The following ODAD1 variants were observed in gnomAD, a reference collection of about 807,000 sequenced individuals.
ODAD1 encodes the protein outer dynein arm docking complex subunit 1, also known as outer dynein arm-docking complex subunit 1.
In ODAD1, 49 loss-of-function variants were observed where a neutral mutation model predicts 67.2. The observed-to-expected ratio is 0.73, with a 90% CI of 0.58 to 0.92. The LOEUF is 0.92. Ranked by LOEUF, ODAD1 falls within the 40% of genes least tolerant of loss-of-function variation. The pLI is 0.00. For missense variants in ODAD1, 897 were observed against 953.7 expected (o/e 0.94, Z 0.78); for synonymous variants, 345 against 393.7 (o/e 0.88, Z 1.46).
In ODAD1 at chr19:48,318,805, C is replaced by G. The variant is rs1459371856; in HGVS notation, c.78G>C (p.Trp26Cys). Residue 26 changes from tryptophan to cysteine, a missense_variant, in exon 4 of 16, where the codon TGG (tryptophan) becomes TGC (cysteine). Coordinates refer to ENST00000674294, the MANE Select transcript of ODAD1 (RefSeq NM_001364171.2). ...SEAFLEGMVDWELSRLQRQCK... is the reference protein window; with the variant it reads ...SEAFLEGMVDCELSRLQRQCK... ...ATTGTCGCTGCAGCCTACTCAGCTC[C>G]CAATCCACTGAGAACAGGGCCAGCC... 2 of 1,548,808 alleles carry G rather than the reference C, an allele frequency of 1.3e-6. No individual in the cohort carries two copies. The highest frequency in any genetic ancestry group is 1.7e-6 in the Non-Finnish European group (2 of 1,144,888).
intron 10 of ODAD1, 99 bp downstream of exon 10, chr19:48,303,551 T>C: frequency 1.4e-6 from 2 of 1,452,530 alleles, no homozygotes; most frequent in East Asian, 2.3e-5. Context: ...CCAGCACAGA[T>C]GGAGGAGTTC....
At chr19:48,321,240 AAAACAAAC>A (rs541986418) in intron 1 of ODAD1, among the ~76,000 whole-genome samples, 2 of 152,202 alleles carry the variant, frequency 1.3e-5, no homozygotes, top group Non-Finnish European at 2.9e-5. Context: ...TCCGTCTCAA[AAAACAAAC>A]AAACAAACAA....
At chr19:48,307,083 A>G (rs1968626095) in intron 7 of ODAD1, among the ~76,000 whole-genome samples, 1 of 152,016 alleles carries the variant, frequency 6.6e-6, no homozygotes, top group South Asian at 2.1e-4. Context: ...ACTTGGGACA[A>G]TGAGGCAGAA....
chr19:48,311,983 T>C lies in ODAD1; in HGVS notation c.483+11A>G. On this transcript the variant is annotated intron_variant, in intron 6 of 15. Transcript: ENST00000674294. ...CAATTCAGGTCGAGGGACCAGGAGT[T>C]TGACCCTCACCCTGTCCAACTGGTT... 2 of 1,550,506 alleles carry C rather than the reference T, an allele frequency of 1.3e-6. No individual in the cohort carries two copies. The highest frequency in any genetic ancestry group is 3.9e-5 in the Admixed American group (2 of 50,948).
At chr19:48,314,799 G>A (rs1316903496) in intron 5 of ODAD1, among the ~76,000 whole-genome samples, 1 of 151,890 alleles carries the variant, frequency 6.6e-6, no homozygotes, top group Non-Finnish European at 1.5e-5. Flanking sequence ...AAATTAGCTG[G>A]GCGTAATGGC....
chr19:48,298,827 G>A (rs1428424342), intron 12 of ODAD1, among the ~76,000 whole-genome samples: 1 of 152,114 alleles, frequency 6.6e-6, no homozygotes, highest in African/African-American at 2.4e-5. Context: ...TGCCCAGTGC[G>A]CAGGTCAGTC....
chr19:48,321,722 T>C lies in ODAD1; in HGVS notation c.-108A>G, dbSNP rs972456232. 6 of 397,202 alleles carry C rather than the reference T, an allele frequency of 1.5e-5. 1 individual carries two copies. The highest frequency in any genetic ancestry group is 1.2e-4 in the African/African-American group (6 of 48,572). The allele number at this position is 397,202 out of a possible 1,614,324, so 24.6% of individuals were successfully genotyped here. A position where few individuals can be genotyped will look rare whatever the true frequency, so the allele number is the denominator to read the frequency against. ...GGAGTTGAAAGAGCCTGCGGTGACCTGTATGGAAGCCCTCGAAGCCAGGCC... is the reference window on the plus strand; with the variant it reads ...GGAGTTGAAAGAGCCTGCGGTGACCCGTATGGAAGCCCTCGAAGCCAGGCC... On this transcript the variant is annotated 5_prime_UTR_variant, in exon 1 of 16. Coordinates refer to ENST00000674294, the MANE Select transcript of ODAD1 (RefSeq NM_001364171.2).
Position 48,311,537 on chromosome 19 carries a change from T to A in ODAD1, c.597+16A>T. The A allele has an allele frequency of 6.8e-7, 1 of 1,476,388 alleles. No homozygotes were observed. 91.5% of individuals were successfully genotyped at this position (1,476,388 alleles called of 1,614,324 possible). Reference sequence around the variant, plus strand: ...AGGGGTCCCTGTCTCCTCCCCTGGATTTCAGGGCCACTGACCTTCTTCAGC... The same window carrying A: ...AGGGGTCCCTGTCTCCTCCCCTGGAATTCAGGGCCACTGACCTTCTTCAGC... On this transcript the variant is annotated intron_variant, in intron 7 of 15. Transcript: ENST00000674294.
At position 48,297,484 on chromosome 19, in the gene ODAD1, T is replaced by C; in HGVS notation, c.1616A>G (p.Gln539Arg). 2 of 1,603,310 alleles carry C rather than the reference T, an allele frequency of 1.2e-6. No individual in the cohort carries two copies. Among genetic ancestry groups the C allele is most frequent in the Admixed American group, 3.4e-5 (2 of 59,152 alleles). ...CGCGGCGGCGGCGGCCAGGTCCTTCTGGCGCTGCGCCTCCGCCTGCTCCTG... is the reference window on the plus strand; with the variant it reads ...CGCGGCGGCGGCGGCCAGGTCCTTCCGGCGCTGCGCCTCCGCCTGCTCCTG... ...ELQEQAEAQR[Q>R]KDLAAAAAKL... The change falls in exon 16 of 16, where the codon CAG becomes CGG. Residue 539 changes from glutamine to arginine, a missense_variant. Physicochemically the swap from Gln to Arg is conservative, Grantham distance 43 (BLOSUM62 1). Transcript: ENST00000674294.
At position 48,296,914 on chromosome 19, in the gene ODAD1, A is replaced by G; in HGVS notation, c.*62T>C. On this transcript the variant is annotated 3_prime_UTR_variant, in exon 16 of 16. Transcript: ENST00000674294. ...GACCCACAAGGCAAACAGGGGAAGT[A>G]GAGACACAAAAAAAGACCCCACAGA... 6.7e-7 allele frequency: 1 copy of G among 1,483,014 alleles called. No homozygotes were observed. The highest frequency in any genetic ancestry group is 8.9e-7 in the Non-Finnish European group (1 of 1,124,988). 91.9% of individuals were successfully genotyped at this position (1,483,014 alleles called of 1,614,324 possible). A position where few individuals can be genotyped will look rare whatever the true frequency, so the allele number is the denominator to read the frequency against.
intron 5 of ODAD1, among the ~76,000 whole-genome samples, chr19:48,313,408 C>G (rs140000994): frequency 0.014 from 1,388 of 97,780 alleles, 19 homozygotes; most frequent in African/African-American, 0.042. Flanking sequence ...GCCTGGGGAA[C>G]AGAACAAGAC....
chr19:48,317,569 C>T (rs906599364), intron 5 of ODAD1, among the ~76,000 whole-genome samples: 1 of 152,200 alleles, frequency 6.6e-6, no homozygotes, highest in African/African-American at 2.4e-5. Flanking sequence ...CGAACCTTTC[C>T]TGCTTAACCA....
chr19:48,299,916 C>CTA (rs1393060399), intron 12 of ODAD1, among the ~76,000 whole-genome samples: 1 of 150,656 alleles, frequency 6.6e-6, no homozygotes, highest in African/African-American at 2.4e-5. Context: ...TGGCTCATGC[C>CTA]TATAATCCCA....
intron 3 of ODAD1, among the ~76,000 whole-genome samples, chr19:48,319,093 G>C (rs1968976278): frequency 6.6e-6 from 1 of 151,956 alleles, no homozygotes; most frequent in Non-Finnish European, 1.5e-5. Flanking sequence ...TCTGGGACCT[G>C]GGCACACCAC....
intron 12 of ODAD1, among the ~76,000 whole-genome samples, chr19:48,299,377 C>T (rs1232223490): frequency 6.6e-6 from 1 of 152,122 alleles, no homozygotes; most frequent in East Asian, 1.9e-4. Flanking sequence ...CACCACTGCT[C>T]TCCAGCCTGG....
At chr19:48,305,990 T>C (rs1294706643) in intron 8 of ODAD1, among the ~76,000 whole-genome samples, 2 of 151,104 alleles carry the variant, frequency 1.3e-5, no homozygotes, top group Admixed American at 6.6e-5. Context: ...ACCTGGGAGG[T>C]AGAGGTTGCA....
intron 5 of ODAD1, 115 bp from the exon 6 acceptor site, chr19:48,312,231 G>T: frequency 1.3e-6 from 1 of 742,258 alleles, no homozygotes; most frequent in Non-Finnish European, 2.2e-6. Flanking sequence ...TGTCACCCCA[G>T]AATAACATCT....
At chr19:48,311,779 A>AG in intron 6 of ODAD1, 113 bp from the exon 7 acceptor site, 1 of 816,096 alleles carries the variant, frequency 1.2e-6, no homozygotes, top group Non-Finnish European at 2.0e-6. Context: ...CTGTTTCCTG[A>AG]GAAACAGAGG....
At position 48,311,970 on chromosome 19, in the gene ODAD1, A is replaced by C. The variant is rs781537890; in HGVS notation, c.483+24T>G. 13 of 1,548,648 alleles carry C rather than the reference A, an allele frequency of 8.4e-6. No individual in the cohort carries two copies. The African/African-American group carries it at 1.6e-4, about 20-fold the overall frequency. Reference sequence around the variant, plus strand: ...TCCCATAACCGCACAATTCAGGTCGAGGGACCAGGAGTTTGACCCTCACCC... The same window carrying C: ...TCCCATAACCGCACAATTCAGGTCGCGGGACCAGGAGTTTGACCCTCACCC... On this transcript the variant is annotated intron_variant, in intron 6 of 15. Coordinates refer to ENST00000674294, the MANE Select transcript of ODAD1 (RefSeq NM_001364171.2).
Sources: gnomAD v4.1 joint callset for allele counts (sites outside exome capture counted in the v4.1 genomes callset) on GRCh38, gnomAD v4.1.1 for gene constraint, MANE v1.5 for transcripts, NCBI Gene and HGNC (gene_info 2026-07-23, HGNC 2026-07-21) for gene names.